TBC1D9: variants seen among roughly 807,000 people sequenced by gnomAD.
TBC1D9 encodes the protein TBC1 domain family member 9, also known as TBC1 domain family member 9A.
A neutral mutation model predicts 132.0 loss-of-function variants in TBC1D9; 63 were observed. The observed-to-expected ratio is 0.48, with a 90% CI of 0.39 to 0.59. TBC1D9 has a LOEUF of 0.59. Ranked by LOEUF, TBC1D9 falls within the 20% of genes least tolerant of loss-of-function variation. TBC1D9 has a pLI of 0.00. For synonymous variants in TBC1D9, 610 were observed against 609.9 expected, an observed-to-expected ratio of 1.00 and a Z score of 0.00; for missense variants, 1,261 against 1,592.7, an observed-to-expected ratio of 0.79 and a Z score of 3.54.
rs111801692 is a variant in TBC1D9 at position 140,668,230 on chromosome 4, G to A, written c.1588+687C>T. Among the ~76,000 whole-genome samples the A allele has an allele frequency of 6.6e-3, 1,006 of 152,320 alleles. 10 individuals carry two copies. The highest frequency in any genetic ancestry group is 0.01 in the Non-Finnish European group (699 of 68,024). ...TGAAGGATCTCTGGTTTCTGTAGCA[G>A]GGCTCAAAGATCTGATGTGACAGAA... On this transcript the variant is annotated intron_variant, in intron 9 of 20. Transcript: ENST00000442267.
In TBC1D9 at chr4:140,634,016, C is replaced by T. The variant is rs775138026; in HGVS notation, c.2678G>A (p.Arg893His). Residue 893 changes from arginine (R) to histidine (H), a missense_variant, in exon 16 of 21, where the codon CGC becomes CAC. Arg to His is a conservative substitution (Grantham distance 29). Around this residue, in one of 3 missense-constraint regions of TBC1D9, gnomAD observed 618 missense variants for 724.4 expected, o/e 0.85. Transcript: ENST00000442267. Reference protein sequence around the residue: ...CGTHSDVLASRLFQLLDENGD... With the variant: ...CGTHSDVLASHLFQLLDENGD... ...ATTTTCATCTAATAACTGGAACAAGCGGGAGGCCAGAACGTCAGAGTGAGT... is the reference window on the plus strand; with the variant it reads ...ATTTTCATCTAATAACTGGAACAAGTGGGAGGCCAGAACGTCAGAGTGAGT... 2.5e-6 allele frequency: 4 copies of T among 1,613,792 alleles called. No homozygotes were observed. The highest frequency in any genetic ancestry group is 1.3e-5 in the African/African-American group (1 of 74,898).
chr4:140,703,416 G>A (rs1738101637), intron 1 of TBC1D9, among the ~76,000 whole-genome samples: 1 of 152,150 alleles, frequency 6.6e-6, no homozygotes, highest in Non-Finnish European at 1.5e-5. Context: ...CTGGTGTCAC[G>A]GAAGGAGCCA....
chr4:140,628,576 T>C (rs1736743552), intron 16 of TBC1D9, among the ~76,000 whole-genome samples: 1 of 152,186 alleles, frequency 6.6e-6, no homozygotes, highest in African/African-American at 2.4e-5. Flanking sequence ...TTGGGAGAGT[T>C]AAACCCTCTG....
intron 9 of TBC1D9, among the ~76,000 whole-genome samples, chr4:140,666,590 G>A (rs1737449177): frequency 1.3e-5 from 2 of 151,720 alleles, no homozygotes; most frequent in South Asian, 2.1e-4. Context: ...CGCCCACCTC[G>A]GCCTCCCAAA....
chr4:140,687,105 T>G (rs1352380585), intron 2 of TBC1D9, among the ~76,000 whole-genome samples: 2 of 151,684 alleles, frequency 1.3e-5, no homozygotes, highest in Non-Finnish European at 2.9e-5. Flanking sequence ...TTAAGATAAC[T>G]CTTCCAGCAA....
intron 13 of TBC1D9, chr4:140,643,705 C>A (rs142602061): frequency 1.2e-5 from 14 of 1,196,970 alleles, no homozygotes; most frequent in Middle Eastern, 4.3e-4. Context: ...AGGTCCAATG[C>A]GGCCGTGCAG....
chr4:140,662,262 G>A (rs1163616959), intron 9 of TBC1D9, among the ~76,000 whole-genome samples, 155 bp from the exon 10 acceptor site: 2 of 152,188 alleles, frequency 1.3e-5, no homozygotes, highest in Non-Finnish European at 2.9e-5. Context: ...TTGCAATCGT[G>A]GCTAGACTGG....
At chr4:140,734,083 C>T (rs1410453025) in intron 1 of TBC1D9, among the ~76,000 whole-genome samples, 4 of 152,224 alleles carry the variant, frequency 2.6e-5, no homozygotes, top group Admixed American at 2.0e-4. Context: ...TTGATACTGC[C>T]ATTGCCACGG....
intron 13 of TBC1D9, chr4:140,643,509 C>A: frequency 1.1e-6 from 1 of 879,548 alleles, no homozygotes. Context: ...GGGCTCCAGT[C>A]TCGGGCACTC....
At chr4:140,682,263 GA>G in intron 3 of TBC1D9, among the ~76,000 whole-genome samples, 1 of 152,166 alleles carries the variant, frequency 6.6e-6, no homozygotes, top group Non-Finnish European at 1.5e-5. Flanking sequence ...TGCTTCCCTG[GA>G]AAAATATCTA....
intron 3 of TBC1D9, among the ~76,000 whole-genome samples, chr4:140,680,668 A>G (rs1737689560): frequency 6.6e-6 from 1 of 152,080 alleles, no homozygotes; most frequent in Admixed American, 6.6e-5. Flanking sequence ...AGAGCATGCA[A>G]GTCTTAGATT....
intron 9 of TBC1D9, among the ~76,000 whole-genome samples, chr4:140,664,039 C>CA (rs1560877849): frequency 0.011 from 882 of 81,184 alleles, 17 homozygotes; most frequent in South Asian, 0.029. Flanking sequence ...ACTCTCCCCA[C>CA]CAAAAAAAAA....
At chr4:140,729,143 T>C (rs1471920) in intron 1 of TBC1D9, among the ~76,000 whole-genome samples, 113 of 152,332 alleles carry the variant, frequency 7.4e-4, no homozygotes, top group African/African-American at 2.3e-3. Flanking sequence ...CAGCCATTAA[T>C]TGGTTACCCT....
intron 3 of TBC1D9, among the ~76,000 whole-genome samples, chr4:140,680,547 G>A (rs1349097922): frequency 1.3e-5 from 2 of 152,030 alleles, no homozygotes; most frequent in East Asian, 1.9e-4. Flanking sequence ...CATATATCTC[G>A]ATGGAAAATG....
intron 18 of TBC1D9, among the ~76,000 whole-genome samples, chr4:140,626,031 A>T (rs1025376175): frequency 6.6e-6 from 1 of 152,228 alleles, no homozygotes; most frequent in Non-Finnish European, 1.5e-5. Context: ...TGCTATTGGC[A>T]TGTGACCATT....
intron 1 of TBC1D9, 73 bp downstream of exon 1, chr4:140,755,843 C>T: frequency 7.8e-7 from 1 of 1,282,336 alleles, no homozygotes; most frequent in Non-Finnish European, 9.7e-7. Context: ...TCTCCCGAGC[C>T]TGCAGCCCAG....
At chr4:140,654,562 G>A (rs1169525223) in intron 13 of TBC1D9, among the ~76,000 whole-genome samples, 1 of 152,096 alleles carries the variant, frequency 6.6e-6, no homozygotes, top group Non-Finnish European at 1.5e-5. Context: ...CCTTGGTCCA[G>A]AATTCTTTTA....
intron 1 of TBC1D9, among the ~76,000 whole-genome samples, chr4:140,720,157 A>G (rs2111057427): frequency 6.6e-6 from 1 of 152,326 alleles, no homozygotes; most frequent in East Asian, 1.9e-4. Context: ...GGGAAGGCAC[A>G]TGGGATGTGT....
chr4:140,691,253 G>A (rs191818405), intron 2 of TBC1D9, among the ~76,000 whole-genome samples: 46 of 152,304 alleles, frequency 3.0e-4, no homozygotes, highest in African/African-American at 1.0e-3. Context: ...ACCTCTCAGA[G>A]ATATCAGAAC....
Sources: allele counts gnomAD v4.1 joint callset (sites outside exome capture counted in the v4.1 genomes callset), GRCh38; gene constraint gnomAD v4.1.1; regional missense constraint gnomAD v4.1.1; transcripts MANE v1.5; gene names NCBI Gene and HGNC (gene_info 2026-07-23, HGNC 2026-07-21).